WNT3: variants seen among roughly 807,000 people sequenced by gnomAD.
WNT3 encodes proto-oncogene Wnt-3.
WNT3 carries 7 observed loss-of-function variants against 34.2 expected under a neutral mutation model. The observed-to-expected ratio is 0.20, with a 90% confidence interval of 0.12 to 0.38. The LOEUF is 0.38. WNT3 is among the 10% of genes least tolerant of loss of function. WNT3 has a pLI of 1.00. For synonymous variants in WNT3, 212 were observed against 211.5 expected (o/e 1.00, Z -0.02); for missense variants, 267 against 499.8 (o/e 0.53, Z 4.44).
chr17:46,765,643 G>A (rs775452373), intron 4 of WNT3, among the ~76,000 whole-genome samples: 6 of 152,248 alleles, frequency 3.9e-5, no homozygotes, highest in East Asian at 1.9e-4. Flanking sequence ...GCAGGCTCCC[G>A]TCTTGCCTAG....
chr17:46,781,547 T>A (rs1378448819), intron 1 of WNT3, among the ~76,000 whole-genome samples: 1 of 152,062 alleles, frequency 6.6e-6, no homozygotes, highest in Non-Finnish European at 1.5e-5. Context: ...TCTAGGTAAA[T>A]TCACAGGGAC....
At chr17:46,815,529 G>A (rs552736992) in intron 1 of WNT3, among the ~76,000 whole-genome samples, 6 of 152,264 alleles carry the variant, frequency 3.9e-5, no homozygotes, top group Admixed American at 3.9e-4. Flanking sequence ...TCAAAGTACT[G>A]GAATCTGACT....
In WNT3 at chr17:46,816,591, A is replaced by G. The variant is rs548580145; in HGVS notation, c.80+1927T>C. On this transcript the variant is annotated intron_variant, in intron 1 of 4. Transcript: ENST00000225512. ...CCAAACAAGCCATGTGTCTAGCATTATGTTAGGGCCAATGTCTTGACCTTC... is the reference window on the plus strand; with the variant it reads ...CCAAACAAGCCATGTGTCTAGCATTGTGTTAGGGCCAATGTCTTGACCTTC... Among the ~76,000 whole-genome samples the G allele has an allele frequency of 1.5e-4, 23 of 152,114 alleles. 1 individual carries two copies. The South Asian group carries it at 4.8e-3, about 32-fold the overall frequency.
At chr17:46,780,269 A>G (rs544594837) in intron 1 of WNT3, among the ~76,000 whole-genome samples, 32 of 152,180 alleles carry the variant, frequency 2.1e-4, no homozygotes, top group Non-Finnish European at 3.8e-4. Context: ...CTGTGCTGCC[A>G]GGGACACCCA....
chr17:46,808,500 A>G (rs1170781384), intron 1 of WNT3, among the ~76,000 whole-genome samples: 1 of 152,198 alleles, frequency 6.6e-6, no homozygotes, highest in Non-Finnish European at 1.5e-5. Context: ...TAGAAGGAAA[A>G]AGGCTTTAGG....
chr17:46,803,274 C>A (rs1304082685), intron 1 of WNT3, among the ~76,000 whole-genome samples: 1 of 152,224 alleles, frequency 6.6e-6, no homozygotes, highest in Non-Finnish European at 1.5e-5. Context: ...CGGCTCACAC[C>A]TGTAATCCCA....
intron 1 of WNT3, among the ~76,000 whole-genome samples, chr17:46,801,230 A>G (rs2146443135): frequency 6.6e-6 from 1 of 152,256 alleles, no homozygotes. Flanking sequence ...TGGGGTTGGG[A>G]GAGGAGCGGG....
At chr17:46,789,089 C>T (rs1223577611) in intron 1 of WNT3, among the ~76,000 whole-genome samples, 1 of 152,198 alleles carries the variant, frequency 6.6e-6, no homozygotes, top group Non-Finnish European at 1.5e-5. Flanking sequence ...TGGGCCAGGC[C>T]TTATGCTGGA....
At chr17:46,801,542 C>T (rs548543945) in intron 1 of WNT3, among the ~76,000 whole-genome samples, 1 of 152,276 alleles carries the variant, frequency 6.6e-6, no homozygotes, top group East Asian at 1.9e-4. Context: ...ATAGCTTGAA[C>T]CTGGGAGGCG....
chr17:46,779,065 A>G (rs1029407793), intron 1 of WNT3, among the ~76,000 whole-genome samples: 1 of 93,910 alleles, frequency 1.1e-5, no homozygotes, highest in African/African-American at 3.0e-5. Flanking sequence ...ACACACACAC[A>G]CACACACACA....
At chr17:46,779,053 T>TCACACA (rs56965619) in intron 1 of WNT3, among the ~76,000 whole-genome samples, 6,892 of 100,526 alleles carry the variant, frequency 0.069, 302 homozygotes, top group Middle Eastern at 0.15. Context: ...CCCTACCCCA[T>TCACACA]CACACACACA....
intron 1 of WNT3, among the ~76,000 whole-genome samples, chr17:46,780,934 T>C (rs1240621443): frequency 6.6e-6 from 1 of 151,996 alleles, no homozygotes; most frequent in Non-Finnish European, 1.5e-5. Context: ...TGGGACCCTA[T>C]TCAGCCAGAA....
At chr17:46,801,999 A>C (rs987288376) in intron 1 of WNT3, among the ~76,000 whole-genome samples, 9 of 152,130 alleles carry the variant, frequency 5.9e-5, no homozygotes, top group Admixed American at 2.6e-4. Context: ...CAAACTGTTA[A>C]ACATAAGATA....
intron 1 of WNT3, among the ~76,000 whole-genome samples, chr17:46,792,889 C>A (rs7218567): frequency 0.31 from 47,003 of 151,740 alleles, 7,888 homozygotes; most frequent in East Asian, 0.58. Context: ...CCCAATTTAA[C>A]GGATGATGAC....
At chr17:46,770,943 C>T (rs2146377566) in intron 2 of WNT3, among the ~76,000 whole-genome samples, 1 of 152,372 alleles carries the variant, frequency 6.6e-6, no homozygotes, top group East Asian at 1.9e-4. Flanking sequence ...TGGCAGGACC[C>T]GGGAGCCGGA....
chr17:46,810,486 G>A lies in WNT3; in HGVS notation c.80+8032C>T, dbSNP rs2084260102. On this transcript the variant is annotated intron_variant, in intron 1 of 4. Coordinates refer to ENST00000225512, the MANE Select transcript of WNT3 (RefSeq NM_030753.5). ...CAGGTCTGAGGCCAACTGGTCACGG[G>A]GCATGCCCACAAAGATTATTCCACC... Among the ~76,000 whole-genome samples the A allele has an allele frequency of 2.0e-5, 3 of 152,270 alleles. No individual in the cohort carries two copies. The South Asian group carries it at 6.2e-4, about 32-fold the overall frequency.
chr17:46,806,636 C>A (rs1416508273), intron 1 of WNT3, among the ~76,000 whole-genome samples: 1 of 152,258 alleles, frequency 6.6e-6, no homozygotes, highest in Non-Finnish European at 1.5e-5. Flanking sequence ...GCTCCAGAAT[C>A]CCCTATGGAA....
intron 1 of WNT3, among the ~76,000 whole-genome samples, chr17:46,790,902 CA>C (rs2083976835): frequency 6.6e-6 from 1 of 152,224 alleles, no homozygotes. Flanking sequence ...AGATGTGTTT[CA>C]AAAGAAACCT....
Position 46,763,775 on chromosome 17 carries a change from T to G in WNT3, c.*855A>C, listed in dbSNP as rs2059288419. The stretch of plus-strand genomic sequence containing the variant: ...ACCGCTTATTTATTTAGGAAGCCAT[T>G]TGAGCTAGAGAAGACTTGCCCCCTT... On this transcript the variant is annotated 3_prime_UTR_variant, in exon 5 of 5. Coordinates refer to ENST00000225512, the MANE Select transcript of WNT3 (RefSeq NM_030753.5). 1 of 150,670 alleles carries G rather than the reference T, an allele frequency of 6.6e-6. No homozygotes were observed. Among genetic ancestry groups the G allele is most frequent in the Non-Finnish European group, 1.5e-5 (1 of 67,840 alleles). 9.3% of individuals were successfully genotyped at this position (150,670 alleles called of 1,614,324 possible). A position where few individuals can be genotyped will look rare whatever the true frequency, so the allele number is the denominator to read the frequency against.
Sources: allele counts gnomAD v4.1 joint callset (sites outside exome capture counted in the v4.1 genomes callset), GRCh38; gene constraint gnomAD v4.1.1; transcripts MANE v1.5; gene names NCBI Gene and HGNC (gene_info 2026-07-23, HGNC 2026-07-21).